Variants in ATP8A2 observed in about 807,000 individuals in gnomAD.
ATP8A2 encodes the protein phospholipid-transporting ATPase IB.
In ATP8A2, 100 loss-of-function variants were observed where a neutral mutation model predicts 165.6. The ratio of observed to expected loss-of-function variants is 0.60; its 90% confidence interval spans 0.51 to 0.71. The LOEUF is 0.71. ATP8A2 is among the 30% of genes least tolerant of loss of function. ATP8A2 has a pLI of 0.00. For missense variants in ATP8A2, 1,227 were observed against 1,479.5 expected (o/e 0.83, Z 2.80); for synonymous variants, 543 against 548.8 (o/e 0.99, Z 0.15).
intron 36 of ATP8A2, among the ~76,000 whole-genome samples, chr13:26,017,165 G>C (rs1328392672): frequency 6.6e-6 from 1 of 152,174 alleles, no homozygotes; most frequent in African/African-American, 2.4e-5. Flanking sequence ...TCTTTGGGGT[G>C]ACTGTTCTTT....
chr13:25,568,291 A>C (rs1478076730), intron 16 of ATP8A2, among the ~76,000 whole-genome samples: 1 of 152,196 alleles, frequency 6.6e-6, no homozygotes, highest in Non-Finnish European at 1.5e-5. Flanking sequence ...AGAAGATATA[A>C]CTTTCTTTTG....
intron 2 of ATP8A2, among the ~76,000 whole-genome samples, chr13:25,476,349 G>A (rs1388039101): frequency 1.3e-5 from 2 of 151,522 alleles, no homozygotes; most frequent in African/African-American, 4.9e-5. Flanking sequence ...GCAGTGGCGC[G>A]AACTCCACTC....
intron 33 of ATP8A2, among the ~76,000 whole-genome samples, chr13:25,878,288 A>G (rs1368748182): frequency 1.3e-5 from 2 of 152,036 alleles, no homozygotes; most frequent in African/African-American, 4.8e-5. Context: ...ATGAACCTAG[A>G]TCATTTTGAG....
At chr13:25,589,297 G>A (rs2138290295) in intron 23 of ATP8A2, among the ~76,000 whole-genome samples, 1 of 152,190 alleles carries the variant, frequency 6.6e-6, no homozygotes, top group African/African-American at 2.4e-5. Flanking sequence ...CTGATTTAGG[G>A]GCACCATTGG....
intron 33 of ATP8A2, among the ~76,000 whole-genome samples, chr13:25,945,667 C>A (rs1032563146): frequency 1.3e-5 from 2 of 152,170 alleles, no homozygotes; most frequent in African/African-American, 4.8e-5. Context: ...GGGGGTGCAA[C>A]AAGCTGCTGC....
chr13:25,725,146 G>A (rs2043465925), intron 25 of ATP8A2, among the ~76,000 whole-genome samples: 1 of 152,202 alleles, frequency 6.6e-6, no homozygotes, highest in African/African-American at 2.4e-5. Context: ...GTAACCTGGA[G>A]GAATATTCTC....
chr13:25,744,325 A>ACCCCCCCC (rs138866684), intron 25 of ATP8A2, among the ~76,000 whole-genome samples: 43 of 148,500 alleles, frequency 2.9e-4, no homozygotes, highest in African/African-American at 1.1e-3. Flanking sequence ...CTCACTCACC[A>ACCCCCCCC]CCCCCCCGTG....
At chr13:25,573,106 C>T (rs764085633) in intron 18 of ATP8A2, among the ~76,000 whole-genome samples, 14 of 152,120 alleles carry the variant, frequency 9.2e-5, no homozygotes, top group Non-Finnish European at 1.5e-4. Context: ...TAGAATTTCC[C>T]GTACAGAAGC....
chr13:25,378,889 AT>A (rs1193958135), intron 1 of ATP8A2, among the ~76,000 whole-genome samples: 2 of 152,344 alleles, frequency 1.3e-5, no homozygotes, highest in East Asian at 3.9e-4. Context: ...AATTACTAAT[AT>A]GCCTTTAGTG....
chr13:25,963,406 A>AAAAG (rs1555297796), intron 34 of ATP8A2, among the ~76,000 whole-genome samples: 4 of 136,030 alleles, frequency 2.9e-5, no homozygotes, highest in African/African-American at 5.4e-5. Context: ...AAAAAAAAAA[A>AAAAG]AAAAGAAAAG....
At chr13:26,010,462 G>A (rs933080588) in intron 35 of ATP8A2, among the ~76,000 whole-genome samples, 4 of 152,254 alleles carry the variant, frequency 2.6e-5, no homozygotes, top group African/African-American at 9.6e-5. Context: ...GGGCCTGGCT[G>A]GTGAGGCTAC....
intron 25 of ATP8A2, among the ~76,000 whole-genome samples, chr13:25,762,989 T>G (rs1185622086): frequency 6.6e-6 from 1 of 152,138 alleles, no homozygotes; most frequent in Non-Finnish European, 1.5e-5. Context: ...AATCCCCTCT[T>G]TTATATTCAG....
intron 30 of ATP8A2, among the ~76,000 whole-genome samples, chr13:25,849,097 G>A (rs1173576331): frequency 6.6e-6 from 1 of 152,158 alleles, no homozygotes; most frequent in Non-Finnish European, 1.5e-5. Context: ...GGGAAAGGAG[G>A]AGAGAGGAAA....
At chr13:25,907,984 G>A (rs148560499) in intron 33 of ATP8A2, among the ~76,000 whole-genome samples, 138 of 152,264 alleles carry the variant, frequency 9.1e-4, no homozygotes, top group African/African-American at 3.1e-3. Context: ...TGGATTGCTT[G>A]TTCATTTTAA....
At chr13:25,491,484 TC>T (rs2036526147) in intron 2 of ATP8A2, among the ~76,000 whole-genome samples, 1 of 152,202 alleles carries the variant, frequency 6.6e-6, no homozygotes, top group African/African-American at 2.4e-5. Context: ...CAGCAGAGAC[TC>T]TCAAAGTGCC....
chr13:25,424,646 T>G (rs7991934), intron 1 of ATP8A2, among the ~76,000 whole-genome samples: 63,533 of 152,106 alleles, frequency 0.42, 14,316 homozygotes, highest in East Asian at 0.59. Context: ...TGGAAACAAG[T>G]TCACTTAAAC....
chr13:25,445,792 C>T (rs941576502), intron 1 of ATP8A2, among the ~76,000 whole-genome samples: 12 of 152,012 alleles, frequency 7.9e-5, no homozygotes, highest in African/African-American at 1.9e-4. Flanking sequence ...GGTGGATTAG[C>T]GAAGACCAAG....
rs150100569 is a variant in ATP8A2, at chr13:25,742,812, A to C, written c.2385-26234A>C. Among the ~76,000 whole-genome samples, 1,265 of 152,050 alleles carry C rather than the reference A, an allele frequency of 8.3e-3. 25 individuals carry two copies. The highest frequency in any genetic ancestry group is 0.029 in the African/African-American group (1,213 of 41,452). ...TTGGGAAATGACCTTTGGCAGTGTA[A>C]GAGAAGTTTGTCACCCCTTCGAGTC... On this transcript the variant is annotated intron_variant, in intron 25 of 36. Coordinates refer to ENST00000381655, the MANE Select transcript of ATP8A2 (RefSeq NM_016529.6).
intron 34 of ATP8A2, among the ~76,000 whole-genome samples, chr13:25,967,643 G>A (rs1302492211): frequency 6.6e-6 from 1 of 152,144 alleles, no homozygotes; most frequent in African/African-American, 2.4e-5. Flanking sequence ...AGTCTGGTGT[G>A]TTACTAATTT....
Sources: allele counts gnomAD v4.1 joint callset (sites outside exome capture counted in the v4.1 genomes callset), GRCh38; gene constraint gnomAD v4.1.1; transcripts MANE v1.5; gene names NCBI Gene and HGNC (gene_info 2026-07-23, HGNC 2026-07-21).